The following MAD1L1 variants were observed in gnomAD, a reference collection of about 807,000 sequenced individuals.
MAD1L1 encodes mitotic arrest deficient 1 like 1, also known as mitotic spindle assembly checkpoint protein MAD1.
MAD1L1 carries 95 observed loss-of-function variants against 96.9 expected under a neutral mutation model. The ratio of observed to expected loss-of-function variants is 0.98; its 90% confidence interval spans 0.83 to 1.16. MAD1L1 has a LOEUF of 1.16. Ranked by LOEUF, MAD1L1 falls within the 50% of genes most tolerant of loss-of-function variation. MAD1L1 has a pLI of 0.00. For missense variants in MAD1L1, 1,007 were observed against 954.4 expected (o/e 1.06, Z -0.73); for synonymous variants, 473 against 396.6 (o/e 1.19, Z -2.29).
chr7:2,022,365 T>C (rs1782825768), intron 12 of MAD1L1, among the ~76,000 whole-genome samples: 2 of 152,198 alleles, frequency 1.3e-5, no homozygotes, highest in East Asian at 3.9e-4. Flanking sequence ...TGTGCTTGGC[T>C]CATGCCTGTA....
intron 17 of MAD1L1, among the ~76,000 whole-genome samples, chr7:1,919,569 G>A (rs899709619): frequency 3.9e-5 from 6 of 152,248 alleles, no homozygotes; most frequent in Admixed American, 1.3e-4. Context: ...ATGGGCTCCT[G>A]CACGGGCCCA....
Position 1,904,759 on chromosome 7 carries a change from A to G in MAD1L1, c.1808-6369T>C, listed in dbSNP as rs1224601350. Among the ~76,000 whole-genome samples the G allele has an allele frequency of 1.9e-4, 20 of 105,204 alleles. 1 individual carries two copies. Among genetic ancestry groups the G allele is most frequent in the South Asian group, 8.2e-4 (2 of 2,438 alleles). The allele number at this position is 105,204 out of a possible 152,430, so 69.0% of individuals were successfully genotyped here. ...TTGATCAATCACTGTTCCAGGCAGC[A>G]AGCACGCAGTGGCCTATTGAAGACG... On this transcript the variant is annotated intron_variant, in intron 17 of 18. Coordinates refer to ENST00000265854, the MANE Select transcript of MAD1L1 (RefSeq NM_001013836.2).
chr7:1,877,940 T>TA (rs1215736654), intron 18 of MAD1L1, among the ~76,000 whole-genome samples: 1 of 151,882 alleles, frequency 6.6e-6, no homozygotes, highest in East Asian at 1.9e-4. Context: ...CGATAAAACT[T>TA]AGAGTGATGA....
intron 17 of MAD1L1, among the ~76,000 whole-genome samples, chr7:1,928,063 C>T (rs1029287438): frequency 6.6e-6 from 1 of 152,198 alleles, no homozygotes; most frequent in African/African-American, 2.4e-5. Context: ...CACATCACTT[C>T]TGTCTCCAGC....
intron 17 of MAD1L1, among the ~76,000 whole-genome samples, chr7:1,909,470 G>C (rs1235593331): frequency 6.6e-6 from 1 of 152,238 alleles, no homozygotes; most frequent in Non-Finnish European, 1.5e-5. Context: ...ATGGGGCATT[G>C]CAGTGGTTAT....
chr7:2,199,410 T>G (rs1433017465), intron 10 of MAD1L1, among the ~76,000 whole-genome samples: 2 of 152,234 alleles, frequency 1.3e-5, no homozygotes, highest in Admixed American at 1.3e-4. Flanking sequence ...GGAGGTCCCC[T>G]GCCTGCCGTC....
chr7:2,030,582 GCCGGACCC>G, intron 12 of MAD1L1, among the ~76,000 whole-genome samples: 1 of 152,348 alleles, frequency 6.6e-6, no homozygotes. Context: ...GTGACAGGTG[GCCGGACCC>G]CGCAGGAGTG....
chr7:1,849,060 A>AAAATG, intron 18 of MAD1L1: 1 of 153,922 alleles, frequency 6.5e-6, no homozygotes, highest in Non-Finnish European at 1.5e-5. Context: ...ACACACACAC[A>AAAATG]CACACACACA....
chr7:2,232,685 GAGAGCAC>G (rs1794266723), intron 1 of MAD1L1, among the ~76,000 whole-genome samples, 180 bp downstream of exon 1: 1 of 152,162 alleles, frequency 6.6e-6, no homozygotes, highest in Non-Finnish European at 1.5e-5. Flanking sequence ...GAGAGGAGGG[GAGAGCAC>G]AGAGAGGAGA....
At chr7:2,188,917 A>T (rs751757349) in intron 10 of MAD1L1, among the ~76,000 whole-genome samples, 2 of 152,216 alleles carry the variant, frequency 1.3e-5, no homozygotes, top group African/African-American at 2.4e-5. Context: ...ATGGGAGAAA[A>T]TGTTTGGAAA....
chr7:1,951,851 G>A (rs115166295), intron 16 of MAD1L1, among the ~76,000 whole-genome samples: 1,966 of 152,260 alleles, frequency 0.013, 33 homozygotes, highest in African/African-American at 0.045. Context: ...GTCCACAGAC[G>A]CTGGGGTGCG....
chr7:2,171,649 G>A (rs1358369233), intron 10 of MAD1L1, among the ~76,000 whole-genome samples: 1 of 152,104 alleles, frequency 6.6e-6, no homozygotes, highest in Non-Finnish European at 1.5e-5. Flanking sequence ...CCCAGCAGCT[G>A]GAGGGTGGAG....
At chr7:2,226,797 C>G (rs906370889) in intron 3 of MAD1L1, among the ~76,000 whole-genome samples, 1 of 152,118 alleles carries the variant, frequency 6.6e-6, no homozygotes, top group African/African-American at 2.4e-5. Flanking sequence ...CAAGACCAGC[C>G]TGGCCAACAT....
chr7:1,949,859 A>C (rs985851606), intron 16 of MAD1L1, among the ~76,000 whole-genome samples: 4 of 152,156 alleles, frequency 2.6e-5, no homozygotes, highest in Non-Finnish European at 4.4e-5. Flanking sequence ...TTCCCAGAGG[A>C]GGCCCCGGGC....
intron 18 of MAD1L1, among the ~76,000 whole-genome samples, chr7:1,828,053 G>GC (rs1171656769): frequency 6.6e-6 from 1 of 151,882 alleles, no homozygotes; most frequent in Non-Finnish European, 1.5e-5. Context: ...TGTGCTGTGG[G>GC]CCCCGGGGCC....
intron 12 of MAD1L1, among the ~76,000 whole-genome samples, chr7:2,039,105 T>C (rs1783567871): frequency 6.6e-6 from 1 of 152,192 alleles, no homozygotes; most frequent in African/African-American, 2.4e-5. Flanking sequence ...AATAACGTCA[T>C]GCAAATGGGA....
intron 16 of MAD1L1, among the ~76,000 whole-genome samples, chr7:1,955,699 G>A (rs1039303403): frequency 2.7e-4 from 41 of 152,140 alleles, no homozygotes; most frequent in African/African-American, 9.7e-4. Flanking sequence ...CCCTCCCCCG[G>A]TTCCTCACAG....
At chr7:2,108,303 C>T (rs1007350412) in intron 11 of MAD1L1, among the ~76,000 whole-genome samples, 4 of 152,148 alleles carry the variant, frequency 2.6e-5, no homozygotes, top group East Asian at 3.8e-4. Context: ...GTAAAAAGAG[C>T]GCTCCGACGG....
intron 13 of MAD1L1, among the ~76,000 whole-genome samples, chr7:2,007,688 CA>C (rs1008367189): frequency 1.3e-5 from 2 of 151,948 alleles, no homozygotes; most frequent in Non-Finnish European, 1.5e-5. Flanking sequence ...CTGTCCCCGC[CA>C]AAAAAAGTTA....
Sources: allele counts gnomAD v4.1 joint callset (sites outside exome capture counted in the v4.1 genomes callset), GRCh38; gene constraint gnomAD v4.1.1; transcripts MANE v1.5; gene names NCBI Gene and HGNC (gene_info 2026-07-23, HGNC 2026-07-21).